Variants in ATAD3B observed in about 807,000 individuals in gnomAD.
ATAD3B encodes ATPase family AAA domain containing 3B.
In ATAD3B, 59 loss-of-function variants were observed where a neutral mutation model predicts 70.2. That is an observed-to-expected ratio of 0.84 (90% CI 0.68 to 1.04). The LOEUF is 1.04. ATAD3B is among the 50% of genes least tolerant of loss of function. The probability of loss-of-function intolerance (pLI) is 0.00; values close to 1 mark genes in which losing one functional copy is unlikely to be tolerated. For synonymous variants in ATAD3B, 423 were observed against 388.6 expected (o/e 1.09, Z -1.04); for missense variants, 961 against 913.4 (o/e 1.05, Z -0.67).
Position 1,480,877 on chromosome 1 carries a change from A to G in ATAD3B, c.455A>G (p.Asn152Ser), listed in dbSNP as rs1302624120. 4.4e-6 allele frequency: 7 copies of G among 1,593,824 alleles called. 1 individual carries two copies. Among genetic ancestry groups the G allele is most frequent in the Non-Finnish European group, 6.0e-6 (7 of 1,171,786 alleles). Reference protein sequence around the residue: ...EDQLKQQQLLNEENLRKQEES... With the variant: ...EDQLKQQQLLSEENLRKQEES... ...GCGGCTTCTTCTCAGCAACTTCTCA[A>G]TGAGGAGAATTTACGGAAGCAGGAG... The change falls in exon 5 of 16, where the codon AAT becomes AGT. Residue 152 changes from asparagine (N) to serine (S), a missense_variant. By Grantham distance (46) the Asn-to-Ser change is conservative (BLOSUM62 1). Transcript: ENST00000673477.
intron 13 of ATAD3B, 121 bp from the exon 14 acceptor site, chr1:1,490,136 C>T: frequency 6.8e-7 from 1 of 1,477,338 alleles, no homozygotes; most frequent in Non-Finnish European, 8.9e-7. Context: ...TTCCTGTGCT[C>T]ACAAGCTGCC....
rs202199929 is a variant in ATAD3B, at chr1:1,486,132, G to C, written c.986G>C (p.Arg329Pro). 3.7e-6 allele frequency: 6 copies of C among 1,613,064 alleles called. No homozygotes were observed. The highest frequency in any genetic ancestry group is 2.2e-5 in the East Asian group (1 of 44,890). The change falls in exon 10 of 16, where the codon CGC becomes CCC. Residue 329 changes from arginine (R) to proline (P), a missense_variant. By Grantham distance (103) the Arg-to-Pro change is moderately radical. Coordinates refer to ENST00000673477, the MANE Select transcript of ATAD3B (RefSeq NM_031921.6). ...VLSPSLEARV[R>P]DIAIATRNTK... ...CAGCCCAGCCTGGAAGCACGGGTGC[G>C]CGACATCGCCATAGCAACCAGGAAC...
chr1:1,486,260 G>A, intron 10 of ATAD3B, 25 bp downstream of exon 10: 1 of 1,612,262 alleles, frequency 6.2e-7, no homozygotes, highest in Non-Finnish European at 8.5e-7. Context: ...CTGAACAGGT[G>A]GGCCAGGGGC....
downstream of ATAD3B, among the ~76,000 whole-genome samples, chr1:1,501,880 G>C (rs1475879445): frequency 6.6e-6 from 1 of 151,644 alleles, no homozygotes; most frequent in Non-Finnish European, 1.5e-5. Context: ...GTTTTGTTTT[G>C]TTTTGTTTGT....
intron 5 of ATAD3B, 119 bp downstream of exon 5, chr1:1,481,055 A>C: frequency 2.7e-6 from 4 of 1,498,932 alleles, no homozygotes; most frequent in Non-Finnish European, 3.5e-6. Context: ...GCAGTGGGCG[A>C]GGCCTGCTGG....
chr1:1,495,675 C>A lies in ATAD3B; in HGVS notation c.1805C>A (p.Pro602His). 1 of 1,612,924 alleles carries A rather than the reference C, an allele frequency of 6.2e-7. No individual in the cohort carries two copies. The change falls in exon 16 of 16, where the codon CCC becomes CAC. Residue 602 changes from proline to histidine, a missense_variant. Physicochemically the swap from Pro to His is moderately conservative, Grantham distance 77. Coordinates refer to ENST00000673477, the MANE Select transcript of ATAD3B (RefSeq NM_031921.6). The part of the protein sequence containing the change: ...TLTSWSLATD[P>H]SYPCLAGPCT... Reference sequence around the variant, plus strand: ...ACCTCATGGAGCCTGGCCACGGACCCCTCCTACCCCTGCCTTGCCGGCCCC... The same window carrying A: ...ACCTCATGGAGCCTGGCCACGGACCACTCCTACCCCTGCCTTGCCGGCCCC...
In ATAD3B at chr1:1,487,777, C is replaced by G. The variant is rs1056938667; in HGVS notation, c.1215-86C>G. On this transcript the variant is annotated intron_variant, in intron 11 of 15. Transcript: ENST00000673477. ...CCTGACCCCGTGGGGATCTGCCTGC[C>G]TGGCCTGCTCCTGCCGCGGCCGGAC... 2.4e-5 allele frequency: 36 copies of G among 1,525,532 alleles called. No individual in the cohort carries two copies. In the Admixed American group the frequency reaches 3.7e-4, roughly 16 times the overall value. The allele number at this position is 1,525,532 out of a possible 1,614,324, so 94.5% of individuals were successfully genotyped here.
chr1:1,491,011 G>C (rs1034975232), intron 15 of ATAD3B, among the ~76,000 whole-genome samples: 1 of 152,002 alleles, frequency 6.6e-6, no homozygotes, highest in African/African-American at 2.4e-5. Flanking sequence ...TAGAGGGAAT[G>C]GTCGTCAGGA....
intron 8 of ATAD3B, among the ~76,000 whole-genome samples, 167 bp downstream of exon 8, chr1:1,485,338 G>A (rs868707679): frequency 6.6e-6 from 1 of 152,076 alleles, no homozygotes; most frequent in Admixed American, 6.5e-5. Context: ...GTACCTTAGG[G>A]GTCTGCATCA....
chr1:1,495,910 C>G lies in ATAD3B; in HGVS notation c.*93C>G. The stretch of plus-strand genomic sequence containing the variant: ...TCTGGCTCACAGGGGGAGGGTGAGG[C>G]TTTGTACCCCAGCCCCTGCCCAGGC... On this transcript the variant is annotated 3_prime_UTR_variant, in exon 16 of 16. Coordinates refer to ENST00000673477, the MANE Select transcript of ATAD3B (RefSeq NM_031921.6). 4.8e-6 allele frequency: 7 copies of G among 1,450,576 alleles called. No individual in the cohort carries two copies. Among genetic ancestry groups the G allele is most frequent in the Non-Finnish European group, 6.3e-6 (7 of 1,106,080 alleles). The allele number at this position is 1,450,576 out of a possible 1,614,324, so 89.9% of individuals were successfully genotyped here. A position where few individuals can be genotyped will look rare whatever the true frequency, so the allele number is the denominator to read the frequency against.
chr1:1,487,718 G>T, intron 11 of ATAD3B, 145 bp from the exon 12 acceptor site: 8 of 1,023,056 alleles, frequency 7.8e-6, no homozygotes, highest in Non-Finnish European at 1.2e-5. Context: ...GGCTTCTGTC[G>T]AGTCCAGGAC....
chr1:1,486,393 C>T, intron 10 of ATAD3B, 151 bp from the exon 11 acceptor site: 1 of 1,582,092 alleles, frequency 6.3e-7, no homozygotes, highest in Non-Finnish European at 8.6e-7. Context: ...CAGCGCCTCC[C>T]ATCTTCCAGG....
chr1:1,471,780 T>A lies in ATAD3B; in HGVS notation c.-105T>A. ...AGGGGTGTGTGTTTCGCCTGCGCAG[T>A]GGTCCTGGCCACCGGCTCGCGGCGC... On this transcript the variant is annotated 5_prime_UTR_variant, in exon 1 of 16. Transcript: ENST00000673477. 1 of 1,214,668 alleles carries A rather than the reference T, an allele frequency of 8.2e-7. No homozygotes were observed. The highest frequency in any genetic ancestry group is 1.0e-6 in the Non-Finnish European group (1 of 973,418). The allele number at this position is 1,214,668 out of a possible 1,614,324, so 75.2% of individuals were successfully genotyped here. A position where few individuals can be genotyped will look rare whatever the true frequency, so the allele number is the denominator to read the frequency against.
At chr1:1,479,719 T>C (rs1153105) in intron 4 of ATAD3B, among the ~76,000 whole-genome samples, 58,164 of 138,328 alleles carry the variant, frequency 0.42, 20,181 homozygotes, top group East Asian at 0.99. Context: ...TGCACGCACC[T>C]CCCACACACA....
chr1:1,478,298 A>G (rs1639705221), intron 2 of ATAD3B: 1 of 948,774 alleles, frequency 1.1e-6, no homozygotes, highest in Non-Finnish European at 1.5e-6. Context: ...CGCCCGGCCC[A>G]CTCAGCAGGA....
intron 15 of ATAD3B, among the ~76,000 whole-genome samples, chr1:1,494,816 C>A (rs969030338): frequency 6.6e-6 from 1 of 152,052 alleles, no homozygotes; most frequent in Non-Finnish European, 1.5e-5. Context: ...AGCACGGCAC[C>A]TAGTGGGGGT....
At position 1,486,125 on chromosome 1, in the gene ATAD3B, C is replaced by T. The variant is rs754376738; in HGVS notation, c.979C>T (p.Arg327Trp). The change falls in exon 10 of 16, where the codon CGG becomes TGG. Residue 327 changes from arginine (R) to tryptophan (W), a missense_variant. Arg to Trp is a moderately radical substitution (Grantham distance 101). This residue lies in a region of ATAD3B where 349 missense variants were observed against 307.5 expected (regional missense o/e 1.14). Transcript: ENST00000673477. ...GVVLSPSLEA[R>W]VRDIAIATRN... ...TCCCCGGCAGCCCAGCCTGGAAGCACGGGTGCGCGACATCGCCATAGCAAC... is the reference window on the plus strand; with the variant it reads ...TCCCCGGCAGCCCAGCCTGGAAGCATGGGTGCGCGACATCGCCATAGCAAC... The T allele has an allele frequency of 4.3e-5, 69 of 1,613,032 alleles. 1 individual carries two copies. Among genetic ancestry groups the T allele is most frequent in the Middle Eastern group, 1.6e-4 (1 of 6,084 alleles).
downstream of ATAD3B, among the ~76,000 whole-genome samples, chr1:1,500,368 C>A (rs1362282971): frequency 1.1e-4 from 15 of 139,248 alleles, no homozygotes; most frequent in Admixed American, 1.0e-3. Context: ...CTGGATAACA[C>A]GGTGAAACCC....
intron 7 of ATAD3B, 36 bp downstream of exon 7, chr1:1,482,650 T>C (rs1349095538): frequency 6.2e-7 from 1 of 1,612,950 alleles, no homozygotes; most frequent in Non-Finnish European, 8.5e-7. Context: ...GGCAGGTGGC[T>C]GAGAGGCAGC....
Sources: allele counts gnomAD v4.1 joint callset (sites outside exome capture counted in the v4.1 genomes callset), GRCh38; gene constraint gnomAD v4.1.1; regional missense constraint gnomAD v4.1.1; transcripts MANE v1.5; gene names NCBI Gene and HGNC (gene_info 2026-07-23, HGNC 2026-07-21).